The following PCM1 variants were observed in gnomAD, a reference collection of about 807,000 sequenced individuals.
PCM1 encodes pericentriolar material 1.
PCM1 carries 157 observed loss-of-function variants against 241.9 expected under a neutral mutation model. The observed-to-expected ratio is 0.65, with a 90% CI of 0.57 to 0.74. The LOEUF is 0.74. PCM1 is among the 30% of genes least tolerant of loss of function. The pLI, the probability that PCM1 is intolerant of heterozygous loss-of-function variation, is 0.00. For synonymous variants in PCM1, 1,085 were observed against 784.9 expected (o/e 1.38, Z -6.39); for missense variants, 3,478 against 2,360.1 (o/e 1.47, Z -9.81).
In PCM1 at chr8:17,980,665, G is replaced by C; in HGVS notation, c.4018G>C (p.Glu1340Gln). Reference protein sequence around the residue: ...SRNRHSAQTEEPVQAKVFSRK... With the variant: ...SRNRHSAQTEQPVQAKVFSRK... ...GAACAGACATTCAGCCCAGACTGAAGAGCCTGTTCAAGCAAAAGTATTCAG... is the reference window on the plus strand; with the variant it reads ...GAACAGACATTCAGCCCAGACTGAACAGCCTGTTCAAGCAAAAGTATTCAG... The change falls in exon 24 of 39, where the codon GAG becomes CAG. Residue 1340 changes from glutamate to glutamine, a missense_variant. Transcript: ENST00000325083. 1 of 1,613,372 alleles carries C rather than the reference G, an allele frequency of 6.2e-7. No homozygotes were observed. The highest frequency in any genetic ancestry group is 8.5e-7 in the Non-Finnish European group (1 of 1,179,554).
chr8:17,988,610 A>C (rs1319101844), intron 26 of PCM1, among the ~76,000 whole-genome samples: 2 of 151,942 alleles, frequency 1.3e-5, no homozygotes. Flanking sequence ...AAATAATCCC[A>C]GTATATATAT....
In PCM1 at chr8:18,021,416, C is replaced by T. The variant is rs1405732968; in HGVS notation, c.5842-3945C>T. ...TGTAGGTCTGCAGATGGATTTCATT[C>T]AGTTGCCACCCTCATTGAGGTATCA... On this transcript the variant is annotated intron_variant, in intron 36 of 38. Coordinates refer to ENST00000325083, the MANE Select transcript of PCM1 (RefSeq NM_006197.4). Among the ~76,000 whole-genome samples the T allele has an allele frequency of 2.6e-5, 4 of 152,336 alleles. No homozygotes were observed. The East Asian group carries it at 5.8e-4, about 22-fold the overall frequency.
intron 21 of PCM1, among the ~76,000 whole-genome samples, chr8:17,968,043 C>T (rs2075552833): frequency 1.4e-5 from 2 of 140,062 alleles, no homozygotes; most frequent in Non-Finnish European, 3.0e-5. Flanking sequence ...GTCAGCAAAT[C>T]AGTTCCGCCG....
intron 3 of PCM1, among the ~76,000 whole-genome samples, chr8:17,936,831 T>C (rs908423371): frequency 1.3e-5 from 2 of 152,182 alleles, no homozygotes; most frequent in African/African-American, 4.8e-5. Flanking sequence ...AAAATCACAA[T>C]GTAAAAAAAT....
At chr8:17,978,070 C>T (rs1013006535) in intron 23 of PCM1, among the ~76,000 whole-genome samples, 2 of 151,858 alleles carry the variant, frequency 1.3e-5, no homozygotes, top group African/African-American at 2.4e-5. Flanking sequence ...GGCACATAAG[C>T]AGATTGAATT....
At chr8:17,931,508 T>G (rs2059018245) in intron 2 of PCM1, among the ~76,000 whole-genome samples, 1 of 152,112 alleles carries the variant, frequency 6.6e-6, no homozygotes, top group African/African-American at 2.4e-5. Context: ...AGGCTGGTAT[T>G]GAATTCCTGA....
intron 36 of PCM1, among the ~76,000 whole-genome samples, chr8:18,021,052 ACTC>A (rs1361985485): frequency 6.6e-6 from 1 of 152,170 alleles, no homozygotes; most frequent in African/African-American, 2.4e-5. Flanking sequence ...TTTTGAATGA[ACTC>A]CACAGAATTG....
At chr8:17,940,114 A>T in intron 6 of PCM1, 2 of 1,570,358 alleles carry the variant, frequency 1.3e-6, no homozygotes, top group Non-Finnish European at 1.7e-6. Context: ...AGCTGAGAGC[A>T]CATCGCTAAA....
At position 17,947,308 on chromosome 8, in the gene PCM1, A is replaced by C; in HGVS notation, c.906A>C (p.Ala302=). The C allele has an allele frequency of 6.2e-7, 1 of 1,612,910 alleles. No homozygotes were observed. ...GAGCTCTACAGGGACGGCAGGCTGCACTTCTAGCTCTGCAACATAAAGCAG... is the reference window on the plus strand; with the variant it reads ...GAGCTCTACAGGGACGGCAGGCTGCCCTTCTAGCTCTGCAACATAAAGCAG... The part of the protein sequence containing the change: ...QLRALQGRQA[A]LLALQHKAEQ... The change falls in exon 7 of 39, where the codon GCA becomes GCC. Residue 302 remains alanine, a synonymous_variant. Coordinates refer to ENST00000325083, the MANE Select transcript of PCM1 (RefSeq NM_006197.4).
At chr8:18,024,326 T>C (rs379066) in intron 36 of PCM1, among the ~76,000 whole-genome samples, 111,552 of 152,098 alleles carry the variant, frequency 0.73, 41,529 homozygotes, top group African/African-American at 0.81. Flanking sequence ...TGATTGCCCC[T>C]GCTGCATTCC....
chr8:17,939,739 T>A lies in PCM1; in HGVS notation c.661T>A (p.Ser221Thr). Reference sequence around the variant, plus strand: ...TCGCGATTATATTACTAAAGCTAGTTCCATGCGGGAAGATCTTGTAGAGAA... The same window carrying A: ...TCGCGATTATATTACTAAAGCTAGTACCATGCGGGAAGATCTTGTAGAGAA... The part of the protein sequence containing the change: ...QIRDYITKAS[S>T]MREDLVEKNE... Residue 221 changes from serine (S) to threonine (T), a missense_variant, in exon 6 of 39, where the codon TCC becomes ACC. By Grantham distance (58) the Ser-to-Thr change is moderately conservative. Transcript: ENST00000325083. The A allele has an allele frequency of 6.4e-7, 1 of 1,560,380 alleles. No individual in the cohort carries two copies. The highest frequency in any genetic ancestry group is 8.7e-7 in the Non-Finnish European group (1 of 1,149,532).
chr8:17,953,006 A>G lies in PCM1; in HGVS notation c.1108A>G (p.Ser370Gly). Residue 370 changes from serine to glycine, a missense_variant, in exon 9 of 39, where the codon AGT becomes GGT. Coordinates refer to ENST00000325083, the MANE Select transcript of PCM1 (RefSeq NM_006197.4). ...TCCAGACAATAGAAGACAGGCAGAA[A>G]GTCTTTCATTAACTAGGGAGGTTTC... ...AVPDNRRQAE[S>G]LSLTREVSQS... 2.5e-6 allele frequency: 4 copies of G among 1,606,980 alleles called. No individual in the cohort carries two copies. The highest frequency in any genetic ancestry group is 1.1e-5 in the South Asian group (1 of 89,568).
intron 22 of PCM1, among the ~76,000 whole-genome samples, chr8:17,971,712 C>A (rs1587382542): frequency 6.6e-6 from 1 of 152,282 alleles, no homozygotes; most frequent in Non-Finnish European, 1.5e-5. Flanking sequence ...ACTTTTGGGT[C>A]TTGTATATCC....
intron 6 of PCM1, chr8:17,940,282 A>T (rs1563726406): frequency 1.7e-6 from 1 of 580,586 alleles, no homozygotes; most frequent in South Asian, 2.3e-5. Context: ...GAACCCCTCA[A>T]ATTGTTAATG....
At position 18,014,864 on chromosome 8, in the gene PCM1, A is replaced by T. The variant is rs929584160; in HGVS notation, c.5841+24A>T. 3.4e-5 allele frequency: 53 copies of T among 1,539,386 alleles called. No homozygotes were observed. The African/African-American group carries it at 5.7e-4, about 17-fold the overall frequency. On this transcript the variant is annotated intron_variant, in intron 36 of 38. Transcript: ENST00000325083. The stretch of plus-strand genomic sequence containing the variant: ...ATGTATGTATCATTTACATTTCCAA[A>T]TATTTTTACTTTTCATTTCTGTGCA...
intron 29 of PCM1, among the ~76,000 whole-genome samples, chr8:17,996,704 G>C (rs536531288): frequency 2.0e-5 from 3 of 151,930 alleles, no homozygotes; most frequent in Admixed American, 6.6e-5. Flanking sequence ...TTGGATTTCA[G>C]GTTACCATGA....
At chr8:18,005,989 A>C (rs564497007) in intron 29 of PCM1, 3 of 306,572 alleles carry the variant, frequency 9.8e-6, no homozygotes, top group African/African-American at 6.4e-5. Flanking sequence ...ACAGAAAAGT[A>C]CAGAAAGAAA....
intron 29 of PCM1, among the ~76,000 whole-genome samples, chr8:17,996,765 T>C (rs573482323): frequency 2.6e-5 from 4 of 152,338 alleles, no homozygotes; most frequent in South Asian, 2.1e-4. Flanking sequence ...ATAACACTGA[T>C]TGCATAAACA....
At position 17,972,423 on chromosome 8, in the gene PCM1, G is replaced by C. The variant is rs771509983; in HGVS notation, c.3679G>C (p.Gly1227Arg). The change falls in exon 23 of 39, where the codon GGA becomes CGA. Residue 1227 changes from glycine to arginine, a missense_variant. Gly to Arg is a moderately radical substitution (Grantham distance 125, BLOSUM62 -2). Coordinates refer to ENST00000325083, the MANE Select transcript of PCM1 (RefSeq NM_006197.4). ...AGTAGAGAAACCATTTATCAAGACT[G>C]GATTTTCAGTGTCTGTAGAAAAATC... The part of the protein sequence containing the change: ...GEVEKPFIKT[G>R]FSVSVEKSTS... The C allele has an allele frequency of 6.2e-7, 1 of 1,612,408 alleles. No individual in the cohort carries two copies. Among genetic ancestry groups the C allele is most frequent in the Non-Finnish European group, 8.5e-7 (1 of 1,179,004 alleles).
Sources: allele counts gnomAD v4.1 joint callset (sites outside exome capture counted in the v4.1 genomes callset), GRCh38; gene constraint gnomAD v4.1.1; transcripts MANE v1.5; gene names NCBI Gene and HGNC (gene_info 2026-07-23, HGNC 2026-07-21).